Variants in CSMD3 observed in about 807,000 individuals in gnomAD.
The protein encoded by CSMD3 is CUB and Sushi multiple domains 3, also known as CUB and sushi domain-containing protein 3.
Under a neutral mutation model 435.2 loss-of-function variants are expected in CSMD3, and 177 were observed. The ratio of observed to expected loss-of-function variants is 0.41; its 90% CI spans 0.36 to 0.46. The LOEUF is 0.46. Ranked by LOEUF, CSMD3 falls within the 20% of genes least tolerant of loss-of-function variation. The probability of loss-of-function intolerance (pLI) is 0.34; values close to 1 mark genes in which losing one functional copy is unlikely to be tolerated. For missense variants in CSMD3, 4,265 were observed against 4,504.6 expected, an observed-to-expected ratio of 0.95 and a Z score of 1.52; for synonymous variants, 1,656 against 1,520.5, an observed-to-expected ratio of 1.09 and a Z score of -2.07.
chr8:113,254,773 T>C (rs1291460305), intron 3 of CSMD3, among the ~76,000 whole-genome samples: 1 of 152,190 alleles, frequency 6.6e-6, no homozygotes, highest in Non-Finnish European at 1.5e-5. Context: ...TTGGAAATTC[T>C]GGAAATTCTG....
At chr8:112,486,110 T>C (rs1820106259) in intron 31 of CSMD3, among the ~76,000 whole-genome samples, 1 of 136,560 alleles carries the variant, frequency 7.3e-6, no homozygotes, top group Non-Finnish European at 1.6e-5. Flanking sequence ...AAAAATTCTA[T>C]CAGGTTTTTT....
chr8:113,287,770 A>G (rs2093657370), intron 2 of CSMD3, among the ~76,000 whole-genome samples: 1 of 151,958 alleles, frequency 6.6e-6, no homozygotes, highest in Admixed American at 6.6e-5. Context: ...CAGAATTCTT[A>G]TTAAAAACAA....
At chr8:112,992,530 C>G (rs2085493645) in intron 6 of CSMD3, among the ~76,000 whole-genome samples, 1 of 151,660 alleles carries the variant, frequency 6.6e-6, no homozygotes, top group Non-Finnish European at 1.5e-5. Context: ...AAACAAGTCC[C>G]TCATGGGAAG....
intron 2 of CSMD3, among the ~76,000 whole-genome samples, chr8:113,302,319 A>AATAAT (rs1390094320): frequency 1.4e-5 from 2 of 142,652 alleles, no homozygotes; most frequent in Non-Finnish European, 3.0e-5. Context: ...TTATATATAT[A>AATAAT]ATAATATAAT....
chr8:112,984,911 A>C (rs2085194962), intron 6 of CSMD3, among the ~76,000 whole-genome samples: 1 of 152,046 alleles, frequency 6.6e-6, no homozygotes, highest in Non-Finnish European at 1.5e-5. Flanking sequence ...AAGGTATTAC[A>C]TTCCATCTTC....
chr8:112,559,063 G>C (rs1828381535), intron 24 of CSMD3, among the ~76,000 whole-genome samples: 1 of 151,774 alleles, frequency 6.6e-6, no homozygotes, highest in Non-Finnish European at 1.5e-5. Flanking sequence ...ATATTTCTGT[G>C]TTTCTACAGG....
chr8:113,019,465 AATTT>A (rs2086599379), intron 5 of CSMD3, among the ~76,000 whole-genome samples: 1 of 151,010 alleles, frequency 6.6e-6, no homozygotes, highest in Non-Finnish European at 1.5e-5. Flanking sequence ...CTGCACCAAT[AATTT>A]ATTTATGGTA....
chr8:113,261,132 AAAGTATG>A (rs2132354794), intron 3 of CSMD3, among the ~76,000 whole-genome samples: 1 of 152,272 alleles, frequency 6.6e-6, no homozygotes, highest in East Asian at 1.9e-4. Context: ...GTTCTTGATA[AAAGTATG>A]AAGTATATAC....
chr8:113,358,291 A>G (rs1163030349), intron 1 of CSMD3, among the ~76,000 whole-genome samples: 2 of 152,262 alleles, frequency 1.3e-5, no homozygotes, highest in African/African-American at 4.8e-5. Context: ...AAGAAATACT[A>G]CATATGCAGA....
chr8:112,539,582 G>A lies in CSMD3; in HGVS notation c.4564+11089C>T, dbSNP rs142483927. On this transcript the variant is annotated intron_variant, in intron 27 of 70. Transcript: ENST00000297405. ...CTGACATAAAAATAGACACACAGAC[G>A]AATGGAAGAGGAAAAATAACTCAGA... 2.4e-3 allele frequency among the ~76,000 whole-genome samples: 371 copies of A among 152,062 alleles called. 8 individuals carry two copies. Among genetic ancestry groups the A allele is most frequent in the Admixed American group, 0.017 (260 of 15,234 alleles).
At chr8:112,296,665 T>C (rs540186537) in intron 53 of CSMD3, among the ~76,000 whole-genome samples, 3 of 151,714 alleles carry the variant, frequency 2.0e-5, no homozygotes, top group African/African-American at 7.2e-5. Flanking sequence ...GTAGAAGAAA[T>C]AGAGATATAA....
intron 3 of CSMD3, among the ~76,000 whole-genome samples, chr8:113,268,366 A>G (rs2093489994): frequency 6.6e-6 from 1 of 151,788 alleles, no homozygotes; most frequent in South Asian, 2.1e-4. Context: ...CTTTTTACTC[A>G]TTTGGCTCTT....
At chr8:113,301,809 C>A (rs1449206963) in intron 2 of CSMD3, among the ~76,000 whole-genome samples, 1 of 151,906 alleles carries the variant, frequency 6.6e-6, no homozygotes, top group Non-Finnish European at 1.5e-5. Context: ...CAAACTTGAA[C>A]ATCTATGAAG....
At chr8:112,611,428 A>G (rs1414899333) in intron 22 of CSMD3, among the ~76,000 whole-genome samples, 2 of 152,174 alleles carry the variant, frequency 1.3e-5, no homozygotes, top group Non-Finnish European at 2.9e-5. Flanking sequence ...TGTCTTCTTT[A>G]TGTTAATAGC....
intron 17 of CSMD3, among the ~76,000 whole-genome samples, chr8:112,664,059 A>G (rs79207755): frequency 0.014 from 2,069 of 152,230 alleles, 41 homozygotes; most frequent in African/African-American, 0.046. Flanking sequence ...GATAGATGCT[A>G]TGAACTGATA....
At chr8:112,535,193 A>G (rs1245567314) in intron 27 of CSMD3, among the ~76,000 whole-genome samples, 1 of 151,674 alleles carries the variant, frequency 6.6e-6, no homozygotes, top group Non-Finnish European at 1.5e-5. Flanking sequence ...GGAGAAGGAA[A>G]TAAAGGGTAT....
intron 10 of CSMD3, among the ~76,000 whole-genome samples, chr8:112,899,866 CTT>C (rs1491243409): frequency 4.0e-5 from 6 of 148,550 alleles, no homozygotes; most frequent in Non-Finnish European, 7.5e-5. Flanking sequence ...GAGAGAGAGA[CTT>C]ATATATATCT....
intron 1 of CSMD3, among the ~76,000 whole-genome samples, chr8:113,360,603 T>G: frequency 9.5e-6 from 1 of 105,242 alleles, no homozygotes; most frequent in African/African-American, 5.3e-5. Context: ...AGACGGAGTC[T>G]CGCTCTGTCG....
chr8:112,600,566 A>G (rs577612521), intron 22 of CSMD3, among the ~76,000 whole-genome samples: 2 of 152,346 alleles, frequency 1.3e-5, no homozygotes, highest in East Asian at 3.9e-4. Context: ...GCAATCCTTT[A>G]TGCAACAGTT....
Sources: gnomAD v4.1 joint callset for allele counts (sites outside exome capture counted in the v4.1 genomes callset) on GRCh38, gnomAD v4.1.1 for gene constraint, MANE v1.5 for transcripts, NCBI Gene and HGNC (gene_info 2026-07-23, HGNC 2026-07-21) for gene names.